RNF212B: variants seen among roughly 807,000 people sequenced by gnomAD.
RNF212B encodes the protein ring finger protein 212B.
RNF212B carries 52 observed loss-of-function variants against 55.5 expected under a neutral mutation model. That is an observed-to-expected ratio of 0.94 (90% confidence interval 0.75 to 1.18). The LOEUF (loss-of-function observed/expected upper bound fraction) is 1.18, where lower values mean the gene tolerates loss of function less well. Ranked by LOEUF, RNF212B falls within the 50% of genes most tolerant of loss-of-function variation. The probability of loss-of-function intolerance (pLI) is 0.00; values close to 1 mark genes in which losing one functional copy is unlikely to be tolerated. For synonymous variants in RNF212B, 99 were observed against 121.4 expected (o/e 0.82, Z 1.21); for missense variants, 289 against 350.4 (o/e 0.82, Z 1.40).
rs879054013 is a variant in RNF212B, at chr14:23,262,647, T to C, written c.435-18T>C. On this transcript the variant is annotated intron_variant, in intron 7 of 14. Transcript: ENST00000430154. ...TGCCTAGAGAGATTAGAGCCGCCTC[T>C]TTTTTTTTCCCTTGCAGGTCAATCA... 18 of 1,482,568 alleles carry C rather than the reference T, an allele frequency of 1.2e-5. No homozygotes were observed. The South Asian group carries it at 2.1e-4, about 17-fold the overall frequency. 91.8% of individuals were successfully genotyped at this position (1,482,568 alleles called of 1,614,324 possible).
chr14:23,201,610 T>C (rs1879293987), intron 2 of RNF212B, among the ~76,000 whole-genome samples: 2 of 152,346 alleles, frequency 1.3e-5, no homozygotes, highest in South Asian at 4.1e-4. Flanking sequence ...TTAGGGAATG[T>C]AATATCTTAA....
chr14:23,259,848 A>C (rs1362935123), intron 5 of RNF212B, 36 bp from the exon 6 acceptor site: 1 of 1,305,354 alleles, frequency 7.7e-7, no homozygotes, highest in Non-Finnish European at 1.0e-6. Flanking sequence ...TTAATCCCTG[A>C]TTTGCTGGAG....
chr14:23,224,471 G>T (rs1881837583), intron 2 of RNF212B, among the ~76,000 whole-genome samples: 1 of 152,112 alleles, frequency 6.6e-6, no homozygotes, highest in Non-Finnish European at 1.5e-5. Flanking sequence ...AACTCATTTT[G>T]GGCAAGGATG....
intron 4 of RNF212B, among the ~76,000 whole-genome samples, chr14:23,256,775 C>T (rs1164790648): frequency 2.0e-5 from 3 of 152,202 alleles, no homozygotes; most frequent in Admixed American, 1.3e-4. Context: ...CAGCCTCAAA[C>T]TCCTGGGTTC....
chr14:23,265,468 A>G (rs1451863040), intron 11 of RNF212B, among the ~76,000 whole-genome samples: 1 of 152,232 alleles, frequency 6.6e-6, no homozygotes, highest in Non-Finnish European at 1.5e-5. Flanking sequence ...GGCATTAGCC[A>G]GTACCTAGAG....
At chr14:23,198,870 GA>G (rs1306812205) in intron 2 of RNF212B, among the ~76,000 whole-genome samples, 3 of 152,250 alleles carry the variant, frequency 2.0e-5, no homozygotes, top group Admixed American at 6.5e-5. Flanking sequence ...AGCAAGGAGG[GA>G]AAAATAGAAT....
rs773717529 is a variant in RNF212B, at chr14:23,244,400, TGA to T, written c.228+7_228+8del. ...GTATTTTAGTCACATCTCTCAGGTA[TGA>T]GAAACAAAAGTGAAGAAAATCTGAC... On this transcript the variant is annotated splice_donor_5th_base_variant and intron_variant, in intron 4 of 14. Transcript: ENST00000430154. 3.0e-4 allele frequency: 452 copies of T among 1,515,806 alleles called. 1 individual carries two copies. Among genetic ancestry groups the T allele is most frequent in the Non-Finnish European group, 3.1e-5 (35 of 1,125,886 alleles). 93.9% of individuals were successfully genotyped at this position (1,515,806 alleles called of 1,614,324 possible). A position where few individuals can be genotyped will look rare whatever the true frequency, so the allele number is the denominator to read the frequency against.
chr14:23,244,967 A>C (rs568674124), intron 4 of RNF212B, among the ~76,000 whole-genome samples: 1 of 152,342 alleles, frequency 6.6e-6, no homozygotes, highest in Admixed American at 6.5e-5. Context: ...ACAGGAATGT[A>C]GAAGAAGGTA....
At chr14:23,202,147 A>G (rs1879353073) in intron 2 of RNF212B, among the ~76,000 whole-genome samples, 1 of 151,280 alleles carries the variant, frequency 6.6e-6, no homozygotes, top group Non-Finnish European at 1.5e-5. Context: ...GCTATTCGGG[A>G]GTCTGAGGCA....
chr14:23,247,003 G>A (rs1404891644), intron 4 of RNF212B, among the ~76,000 whole-genome samples: 1 of 152,056 alleles, frequency 6.6e-6, no homozygotes, highest in Non-Finnish European at 1.5e-5. Flanking sequence ...AGCCAGGTGT[G>A]GTGGCACGTG....
intron 2 of RNF212B, among the ~76,000 whole-genome samples, chr14:23,210,604 C>T (rs552839345): frequency 6.6e-6 from 1 of 151,624 alleles, no homozygotes; most frequent in East Asian, 2.0e-4. Flanking sequence ...AGTGAAACCC[C>T]GTCTCTACTA....
chr14:23,192,525 G>A (rs1471333765), intron 1 of RNF212B, among the ~76,000 whole-genome samples: 32 of 142,818 alleles, frequency 2.2e-4, no homozygotes, highest in African/African-American at 7.9e-5. Flanking sequence ...ATCACACACC[G>A]GGGACTGTTG....
At chr14:23,228,462 C>CAAAAAAAAAA (rs776673043) in intron 2 of RNF212B, among the ~76,000 whole-genome samples, 1 of 76,100 alleles carries the variant, frequency 1.3e-5, no homozygotes, top group East Asian at 3.8e-4. Context: ...CTATCTCTAC[C>CAAAAAAAAAA]AAAAAAAAAA....
intron 2 of RNF212B, among the ~76,000 whole-genome samples, chr14:23,228,107 G>C (rs1882202409): frequency 6.6e-6 from 1 of 151,874 alleles, no homozygotes; most frequent in African/African-American, 2.4e-5. Context: ...GCACATGCCT[G>C]TAATCCCAGC....
intron 2 of RNF212B, among the ~76,000 whole-genome samples, chr14:23,194,664 G>A (rs1465430000): frequency 7.1e-6 from 1 of 140,154 alleles, no homozygotes; most frequent in Non-Finnish European, 1.5e-5. Context: ...GAGCCCGGGA[G>A]ATGGAGGTTG....
At chr14:23,240,670 A>T (rs566176551) in intron 2 of RNF212B, among the ~76,000 whole-genome samples, 2 of 152,346 alleles carry the variant, frequency 1.3e-5, no homozygotes, top group South Asian at 4.1e-4. Context: ...CTTGAGGACT[A>T]GAATGTACTC....
chr14:23,203,344 A>G lies in RNF212B; in HGVS notation c.-2+9943A>G, dbSNP rs140881744. Among the ~76,000 whole-genome samples, 1,432 of 152,088 alleles carry G rather than the reference A, an allele frequency of 9.4e-3. 16 individuals carry two copies. Among genetic ancestry groups the G allele is most frequent in the African/African-American group, 0.033 (1,353 of 41,428 alleles). On this transcript the variant is annotated intron_variant, in intron 2 of 15. Transcript: ENST00000399910. ...ATTGATGGGCATTTGGGTTGGTTCC[A>G]CGATTTTGCAATTGTGAATTGTGCT...
chr14:23,192,004 C>CA (rs1878160832), intron 1 of RNF212B, among the ~76,000 whole-genome samples: 1 of 152,166 alleles, frequency 6.6e-6, no homozygotes, highest in Admixed American at 6.5e-5. Flanking sequence ...GCCATGCATT[C>CA]AAGAATATTC....
At chr14:23,261,742 A>G (rs1418135775) in intron 7 of RNF212B, among the ~76,000 whole-genome samples, 1 of 152,162 alleles carries the variant, frequency 6.6e-6, no homozygotes, top group Non-Finnish European at 1.5e-5. Flanking sequence ...TGGGCGGATC[A>G]TGGGGTCAGG....
Sources: gnomAD v4.1 joint callset for allele counts (sites outside exome capture counted in the v4.1 genomes callset) on GRCh38, gnomAD v4.1.1 for gene constraint, MANE v1.5 for transcripts, NCBI Gene and HGNC (gene_info 2026-07-23, HGNC 2026-07-21) for gene names.